CNTNAP5: variants seen among roughly 807,000 people sequenced by gnomAD.
The protein encoded by CNTNAP5 is contactin associated protein family member 5.
A neutral mutation model predicts 150.2 loss-of-function variants in CNTNAP5; 72 were observed. The ratio of observed to expected loss-of-function variants is 0.48; its 90% CI spans 0.40 to 0.58. CNTNAP5 has a LOEUF of 0.58. CNTNAP5 is among the 20% of genes least tolerant of loss of function. The pLI, the probability that CNTNAP5 is intolerant of heterozygous loss-of-function variation, is 0.00. For missense variants in CNTNAP5, 1,636 were observed against 1,626.2 expected, an observed-to-expected ratio of 1.01 and a Z score of -0.10; for synonymous variants, 672 against 619.8, an observed-to-expected ratio of 1.08 and a Z score of -1.25.
At chr2:124,391,080 T>C (rs1691097804) in intron 3 of CNTNAP5, among the ~76,000 whole-genome samples, 1 of 152,216 alleles carries the variant, frequency 6.6e-6, no homozygotes, top group South Asian at 2.1e-4. Context: ...AGATGTGGCC[T>C]TGGACAAGTC....
At chr2:124,706,652 C>A (rs1433903909) in intron 13 of CNTNAP5, among the ~76,000 whole-genome samples, 1 of 151,496 alleles carries the variant, frequency 6.6e-6, no homozygotes, top group Non-Finnish European at 1.5e-5. Context: ...GAGGCTGAGG[C>A]AGGAGAATGA....
chr2:124,404,602 G>A (rs943791928), intron 3 of CNTNAP5, among the ~76,000 whole-genome samples: 1 of 152,222 alleles, frequency 6.6e-6, no homozygotes, highest in African/African-American at 2.4e-5. Context: ...CTGAGTGGCA[G>A]AAGGGCAGGG....
At chr2:124,356,489 G>A (rs1461463979) in intron 3 of CNTNAP5, among the ~76,000 whole-genome samples, 3 of 127,572 alleles carry the variant, frequency 2.4e-5, no homozygotes, top group Non-Finnish European at 4.7e-5. Flanking sequence ...CCCAGAGTGT[G>A]ATATTCCCCT....
chr2:124,753,505 CA>C (rs1308033915), intron 14 of CNTNAP5, among the ~76,000 whole-genome samples: 1 of 152,138 alleles, frequency 6.6e-6, no homozygotes, highest in Non-Finnish European at 1.5e-5. Context: ...AAATGCTTAC[CA>C]AATTTTAACC....
At chr2:124,582,062 G>A (rs1696427125) in intron 11 of CNTNAP5, among the ~76,000 whole-genome samples, 1 of 152,196 alleles carries the variant, frequency 6.6e-6, no homozygotes, top group African/African-American at 2.4e-5. Flanking sequence ...AATCTTGAAA[G>A]ACTGAAATCC....
At chr2:124,293,844 G>A (rs1428768788) in intron 3 of CNTNAP5, among the ~76,000 whole-genome samples, 3 of 152,036 alleles carry the variant, frequency 2.0e-5, no homozygotes, top group Non-Finnish European at 4.4e-5. Flanking sequence ...AGTAGGACTG[G>A]GACCAAGCAT....
chr2:124,041,959 T>C (rs1036282701), intron 1 of CNTNAP5, among the ~76,000 whole-genome samples: 1 of 152,106 alleles, frequency 6.6e-6, no homozygotes, highest in East Asian at 1.9e-4. Context: ...TCTCCTGGGT[T>C]CAAGTGATTC....
chr2:124,042,783 C>CT (rs1491360872), intron 1 of CNTNAP5, among the ~76,000 whole-genome samples: 5 of 148,112 alleles, frequency 3.4e-5, no homozygotes, highest in Non-Finnish European at 7.4e-5. Context: ...AACTCTCTAT[C>CT]ATCTATCTAT....
chr2:124,388,409 T>C (rs1248622031), intron 3 of CNTNAP5, among the ~76,000 whole-genome samples: 1 of 152,222 alleles, frequency 6.6e-6, no homozygotes, highest in African/African-American at 2.4e-5. Context: ...CAGGGATCTC[T>C]GAGTGCAGCC....
At chr2:124,447,049 C>T in intron 6 of CNTNAP5, 112 bp downstream of exon 6, 2 of 990,140 alleles carry the variant, frequency 2.0e-6, no homozygotes, top group South Asian at 1.6e-5. Flanking sequence ...AGGAGTCTTA[C>T]CCTGGGACTT....
At chr2:124,361,886 TGGCGGGCG>T (rs879785007) in intron 3 of CNTNAP5, among the ~76,000 whole-genome samples, 4,883 of 152,088 alleles carry the variant, frequency 0.032, 135 homozygotes, top group Non-Finnish European at 0.042. Context: ...GCCTGGGCAA[TGGCGGGCG>T]CCCCTCCCCC....
At chr2:124,823,460 T>C (rs1016566611) in intron 19 of CNTNAP5, among the ~76,000 whole-genome samples, 65 of 152,180 alleles carry the variant, frequency 4.3e-4, no homozygotes, top group African/African-American at 1.3e-3. Flanking sequence ...GCCCTACTGG[T>C]TACGTACAGA....
At chr2:124,111,732 C>T (rs1387404424) in intron 1 of CNTNAP5, among the ~76,000 whole-genome samples, 4 of 152,184 alleles carry the variant, frequency 2.6e-5, no homozygotes, top group Admixed American at 6.5e-5. Flanking sequence ...ATGACATCCC[C>T]TTGTCTTCTT....
intron 13 of CNTNAP5, among the ~76,000 whole-genome samples, chr2:124,684,238 G>A (rs1434652109): frequency 1.3e-5 from 2 of 152,160 alleles, no homozygotes; most frequent in Non-Finnish European, 2.9e-5. Context: ...GCGGAGTGCT[G>A]TTAACATGCA....
At chr2:124,336,160 A>T (rs556219800) in intron 3 of CNTNAP5, among the ~76,000 whole-genome samples, 1 of 152,214 alleles carries the variant, frequency 6.6e-6, no homozygotes, top group East Asian at 1.9e-4. Flanking sequence ...ATGAAATGGG[A>T]CCATAGTACA....
At chr2:124,528,582 AT>A (rs1358672881) in intron 10 of CNTNAP5, among the ~76,000 whole-genome samples, 1 of 152,196 alleles carries the variant, frequency 6.6e-6, no homozygotes, top group Non-Finnish European at 1.5e-5. Context: ...ATATAAAATA[AT>A]TGTATATCTT....
intron 1 of CNTNAP5, among the ~76,000 whole-genome samples, chr2:124,145,811 T>TA (rs761766577): frequency 0.26 from 3,272 of 12,640 alleles, 98 homozygotes; most frequent in East Asian, 0.47. Context: ...AAAAAAAACA[T>TA]TAAAAAAAAA....
At chr2:124,765,713 T>C (rs1238150814) in intron 16 of CNTNAP5, among the ~76,000 whole-genome samples, 37 of 152,118 alleles carry the variant, frequency 2.4e-4, no homozygotes, top group Non-Finnish European at 5.9e-5. Context: ...CCTAGCACTT[T>C]GGGAGGCCTA....
intron 3 of CNTNAP5, among the ~76,000 whole-genome samples, chr2:124,392,288 G>A (rs1431659053): frequency 6.6e-6 from 1 of 152,136 alleles, no homozygotes; most frequent in Non-Finnish European, 1.5e-5. Context: ...GATTACTCTG[G>A]TATATGCTCA....
Sources: allele counts gnomAD v4.1 joint callset (sites outside exome capture counted in the v4.1 genomes callset), GRCh38; gene constraint gnomAD v4.1.1; transcripts MANE v1.5; gene names NCBI Gene and HGNC (gene_info 2026-07-23, HGNC 2026-07-21).